The following UBAP2L variants were observed in gnomAD, a reference collection of about 807,000 sequenced individuals.
UBAP2L encodes ubiquitin-associated protein 2-like.
UBAP2L carries 12 observed loss-of-function variants against 130.6 expected under a neutral mutation model. That is an observed-to-expected ratio of 0.09 (90% CI 0.06 to 0.15). UBAP2L has a LOEUF of 0.15. Ranked by LOEUF, UBAP2L falls within the 10% of genes least tolerant of loss-of-function variation. UBAP2L has a pLI of 1.00. For synonymous variants in UBAP2L, 503 were observed against 524.7 expected (o/e 0.96, Z 0.57); for missense variants, 965 against 1,332.5 (o/e 0.72, Z 4.29).
chr1:154,261,350 T>C (rs1185685154), intron 23 of UBAP2L, among the ~76,000 whole-genome samples: 1 of 152,202 alleles, frequency 6.6e-6, no homozygotes, highest in Non-Finnish European at 1.5e-5. Flanking sequence ...ACAGCTTTGC[T>C]TCACTCAGAT....
intron 24 of UBAP2L, chr1:154,263,065 T>C (rs1558227945): frequency 1.9e-6 from 3 of 1,548,452 alleles, no homozygotes; most frequent in Non-Finnish European, 2.6e-6. Flanking sequence ...GCTTTTGTCA[T>C]TCCATTCATT....
upstream of UBAP2L, chr1:154,220,859 G>A (rs1665653591): frequency 5.9e-6 from 1 of 169,098 alleles, no homozygotes; most frequent in South Asian, 1.0e-4. Flanking sequence ...AAGTGGGCGG[G>A]GGAAGGCGCG....
At chr1:154,234,457 C>T (rs926366297) in intron 4 of UBAP2L, 134 bp from the exon 5 acceptor site, 13 of 828,030 alleles carry the variant, frequency 1.6e-5, no homozygotes, top group Middle Eastern at 3.4e-4. Flanking sequence ...GAAGTAAAAG[C>T]AAACTAATGG....
At chr1:154,229,468 GTATTAT>G (rs762674537) in intron 4 of UBAP2L, among the ~76,000 whole-genome samples, 1 of 151,616 alleles carries the variant, frequency 6.6e-6, no homozygotes, top group African/African-American at 2.4e-5. Context: ...AATGAGCAGT[GTATTAT>G]TATTATTATT....
At chr1:154,220,602 C>A, upstream of UBAP2L, 1 of 610,752 alleles carries the variant, frequency 1.6e-6, no homozygotes, top group Non-Finnish European at 2.9e-6. Flanking sequence ...ACGACGCCTT[C>A]CAGCTTCCCC....
intron 10 of UBAP2L, among the ~76,000 whole-genome samples, chr1:154,245,696 A>G (rs1571794617): frequency 6.6e-6 from 1 of 152,206 alleles, no homozygotes; most frequent in African/African-American, 2.4e-5. Context: ...CGGGCGGATC[A>G]TGAGGTCAGG....
chr1:154,234,472 G>A, intron 4 of UBAP2L, 119 bp from the exon 5 acceptor site: 2 of 1,054,760 alleles, frequency 1.9e-6, no homozygotes, highest in Non-Finnish European at 2.8e-6. Flanking sequence ...TAATGGAAGT[G>A]TTTTAGACAT....
intron 24 of UBAP2L, among the ~76,000 whole-genome samples, chr1:154,262,874 T>A (rs1463319229): frequency 3.3e-5 from 5 of 152,134 alleles, no homozygotes; most frequent in African/African-American, 4.8e-5. Context: ...GGCCCCTTTC[T>A]GAGGACATTA....
Position 154,260,047 on chromosome 1 carries a change from CTAAATAAATAAAAAG to C in UBAP2L, c.2578+19_2578+33del. 6.2e-7 allele frequency: 1 copy of C among 1,611,536 alleles called. No homozygotes were observed. Among genetic ancestry groups the C allele is most frequent in the Non-Finnish European group, 8.5e-7 (1 of 1,177,706 alleles). On this transcript the variant is annotated intron_variant, in intron 22 of 26. Coordinates refer to ENST00000428931, the MANE Select transcript of UBAP2L (RefSeq NM_014847.4). ...TTATTCTGGTAGGATTGGGATGGGA[CTAAATAAATAAAAAG>C]GGAGATAGTGTTGGGATTGATGGCA... is the stretch of plus-strand genomic sequence containing the variant.
chr1:154,255,844 T>C (rs1679462030), intron 18 of UBAP2L, 89 bp downstream of exon 18: 2 of 1,509,784 alleles, frequency 1.3e-6, no homozygotes, highest in Admixed American at 1.7e-5. Context: ...TTATTGAAAA[T>C]TTCTTCATGA....
At chr1:154,253,781 G>T in intron 14 of UBAP2L, 119 bp from the exon 15 acceptor site, 2 of 1,062,892 alleles carry the variant, frequency 1.9e-6, no homozygotes, top group Non-Finnish European at 2.6e-6. Flanking sequence ...ATTTGTTGCT[G>T]AAAAATTTCT....
chr1:154,248,938 C>T (rs1317754477), intron 11 of UBAP2L, among the ~76,000 whole-genome samples: 5 of 152,090 alleles, frequency 3.3e-5, no homozygotes, highest in African/African-American at 1.2e-4. Context: ...TTACTATGTG[C>T]CATACATGTA....
In UBAP2L at chr1:154,266,526, G is replaced by A. The variant is rs774092246; in HGVS notation, c.2928G>A (p.Thr976=). Residue 976 remains threonine, a synonymous_variant, in exon 25 of 27, where the codon ACG becomes ACA. Coordinates refer to ENST00000428931, the MANE Select transcript of UBAP2L (RefSeq NM_014847.4). ...GTGTTTCAGTCACCTCCAGTAACACGGGCGTGCCAGATATCTCGGGTTCTG... is the reference window on the plus strand; with the variant it reads ...GTGTTTCAGTCACCTCCAGTAACACAGGCGTGCCAGATATCTCGGGTTCTG... ...NTGVSVTSSN[T]GVPDISGSVY... 2.3e-5 allele frequency: 37 copies of A among 1,614,060 alleles called. No individual in the cohort carries two copies. The highest frequency in any genetic ancestry group is 5.3e-5 in the African/African-American group (4 of 74,924).
intron 4 of UBAP2L, among the ~76,000 whole-genome samples, chr1:154,230,577 A>G (rs1370004221): frequency 2.6e-5 from 4 of 152,140 alleles, no homozygotes; most frequent in Non-Finnish European, 1.5e-5. Flanking sequence ...TATGGGGGGA[A>G]TCAGGTGGGG....
rs1472906704 is a variant in UBAP2L, at chr1:154,255,307, A to G, written c.2065A>G (p.Thr689Ala). The G allele has an allele frequency of 6.2e-7, 1 of 1,614,048 alleles. No individual in the cohort carries two copies. The highest frequency in any genetic ancestry group is 8.5e-7 in the Non-Finnish European group (1 of 1,179,988). Residue 689 changes from threonine to alanine, a missense_variant, in exon 17 of 27, where the codon ACC becomes GCC. Physicochemically the swap from Thr to Ala is moderately conservative, Grantham distance 58 (BLOSUM62 0). Around this residue, in one of 9 missense-constraint regions of UBAP2L, gnomAD observed 393 missense variants for 408.1 expected, o/e 0.96. Coordinates refer to ENST00000428931, the MANE Select transcript of UBAP2L (RefSeq NM_014847.4). ...CCACAGTGAGGAGATTCCAAATACT[A>G]CCACCACACAACACAGCAGGTGATT... ...LSHSEEIPNT[T>A]TTQHSSTLST...
At chr1:154,223,358 A>G (rs1666931852) in intron 1 of UBAP2L, among the ~76,000 whole-genome samples, 2 of 152,320 alleles carry the variant, frequency 1.3e-5, no homozygotes, top group South Asian at 2.1e-4. Context: ...AAAACAGTCA[A>G]TATTTGTAAG....
At chr1:154,228,977 ATTAT>A (rs1388706267) in intron 4 of UBAP2L, among the ~76,000 whole-genome samples, 2 of 152,114 alleles carry the variant, frequency 1.3e-5, no homozygotes, top group African/African-American at 4.8e-5. Context: ...CCTGGAATAA[ATTAT>A]TTATTCCAGG....
In UBAP2L at chr1:154,251,245, A is replaced by G. The variant is rs1345307327; in HGVS notation, c.1418A>G (p.Asn473Ser). ...APQMSPGSSDNQSSSPQPAQQ... is the reference protein window; with the variant it reads ...APQMSPGSSDSQSSSPQPAQQ... ...CAGATGTCGCCTGGATCTTCAGACA[A>G]CCAGTCCTCTAGCCCTCAGCCGGCT... Residue 473 changes from asparagine (N) to serine (S), a missense_variant, in exon 13 of 27, where the codon AAC becomes AGC. By Grantham distance (46) the Asn-to-Ser change is conservative. Transcript: ENST00000428931. The G allele has an allele frequency of 3.1e-6, 5 of 1,614,016 alleles. No individual in the cohort carries two copies. Among genetic ancestry groups the G allele is most frequent in the African/African-American group, 1.3e-5 (1 of 74,892 alleles).
chr1:154,252,407 A>G (rs575832987), intron 14 of UBAP2L, among the ~76,000 whole-genome samples: 2 of 148,322 alleles, frequency 1.3e-5, no homozygotes, highest in African/African-American at 2.5e-5. Flanking sequence ...CAGCTTCCTG[A>G]GTAGCTGAGA....
Sources: allele counts gnomAD v4.1 joint callset (sites outside exome capture counted in the v4.1 genomes callset), GRCh38; gene constraint gnomAD v4.1.1; regional missense constraint gnomAD v4.1.1; transcripts MANE v1.5; gene names NCBI Gene and HGNC (gene_info 2026-07-23, HGNC 2026-07-21).